GALNT13: variants seen among roughly 807,000 people sequenced by gnomAD.
GALNT13 encodes polypeptide N-acetylgalactosaminyltransferase 13.
Under a neutral mutation model 64.2 loss-of-function variants are expected in GALNT13, and 28 were observed. The ratio of observed to expected loss-of-function variants is 0.44; its 90% confidence interval spans 0.32 to 0.60. The LOEUF (loss-of-function observed/expected upper bound fraction) is 0.60, where lower values mean the gene tolerates loss of function less well. Among genes scored for constraint, GALNT13 ranks in the 20% least tolerant of loss-of-function variants. The pLI is 0.05. For missense variants in GALNT13, 577 were observed against 669.8 expected (o/e 0.86, Z 1.53); for synonymous variants, 214 against 224.6 (o/e 0.95, Z 0.42).
Position 153,885,060 on chromosome 2 carries a change from TAAATAAAATA to T in GALNT13, c.-177+12771_-177+12780del, listed in dbSNP as rs554701224. The stretch of plus-strand genomic sequence containing the variant: ...TCTCAAAAGATAAAATAAAGTAAAA[TAAATAAAATA>T]AAATAAAATAAAAATAAATCAACTG... On this transcript the variant is annotated intron_variant, in intron 1 of 12. Transcript: ENST00000392825. Among the ~76,000 whole-genome samples the T allele has an allele frequency of 2.0e-3, 296 of 150,534 alleles. 1 individual carries two copies. Among genetic ancestry groups the T allele is most frequent in the African/African-American group, 4.1e-3 (167 of 41,138 alleles).
rs763036761 is a variant in GALNT13, at chr2:154,242,845, C to G, written c.626C>G (p.Ala209Gly). The G allele has an allele frequency of 5.6e-6, 9 of 1,614,168 alleles. No homozygotes were observed. The highest frequency in any genetic ancestry group is 7.6e-6 in the Non-Finnish European group (9 of 1,180,018). Reference protein sequence around the residue: ...SKGQVITFLDAHCECTLGWLE... With the variant: ...SKGQVITFLDGHCECTLGWLE... ...GGGCAGGTCATAACTTTTCTTGATG[C>G]ACACTGTGAATGCACGTTAGGATGG... The change falls in exon 6 of 13, where the codon GCA (alanine) becomes GGA (glycine). Residue 209 changes from alanine to glycine, a missense_variant. Physicochemically the swap from Ala to Gly is moderately conservative, Grantham distance 60 (BLOSUM62 0). Transcript: ENST00000392825.
chr2:153,644,046 G>T, the GALNT13 span, among the ~76,000 whole-genome samples: 1 of 151,832 alleles, frequency 6.6e-6, no homozygotes, highest in Non-Finnish European at 1.5e-5. Context: ...CACTGCTCAG[G>T]AGATCTTATC....
At chr2:153,275,871 T>C in the GALNT13 span, among the ~76,000 whole-genome samples, 1 of 152,170 alleles carries the variant, frequency 6.6e-6, no homozygotes, top group African/African-American at 2.4e-5. Flanking sequence ...CCAGTTGAAA[T>C]TGATACAATG....
At chr2:153,196,389 C>G in the GALNT13 span, among the ~76,000 whole-genome samples, 2 of 152,012 alleles carry the variant, frequency 1.3e-5, no homozygotes, top group Admixed American at 1.3e-4. Flanking sequence ...TTAGCACTGC[C>G]CTGAATGTGC....
the GALNT13 span, among the ~76,000 whole-genome samples, chr2:153,406,004 T>TC: frequency 2.0e-5 from 3 of 152,188 alleles, no homozygotes; most frequent in African/African-American, 7.2e-5. Context: ...AAGTAGTACT[T>TC]CCCTCCCTGA....
At chr2:153,465,029 G>A in the GALNT13 span, among the ~76,000 whole-genome samples, 1 of 151,986 alleles carries the variant, frequency 6.6e-6, no homozygotes, top group Non-Finnish European at 1.5e-5. Flanking sequence ...ATTAATAAGT[G>A]GTCTCCTCCA....
At chr2:153,236,267 G>A in the GALNT13 span, among the ~76,000 whole-genome samples, 1 of 152,104 alleles carries the variant, frequency 6.6e-6, no homozygotes, top group Non-Finnish European at 1.5e-5. Flanking sequence ...TGCTGACATA[G>A]AAGCTGGAGC....
At chr2:153,177,318 C>T in the GALNT13 span, among the ~76,000 whole-genome samples, 64 of 152,020 alleles carry the variant, frequency 4.2e-4, 1 homozygote, top group South Asian at 0.013. Context: ...AAATGTATAT[C>T]TAAAAATCTA....
At chr2:153,222,493 A>G in the GALNT13 span, among the ~76,000 whole-genome samples, 1 of 152,112 alleles carries the variant, frequency 6.6e-6, no homozygotes, top group East Asian at 1.9e-4. Context: ...GCTTCAGGCC[A>G]TCCCTGGCTT....
the GALNT13 span, among the ~76,000 whole-genome samples, chr2:153,783,267 G>A: frequency 1.3e-5 from 2 of 152,128 alleles, no homozygotes; most frequent in Non-Finnish European, 1.5e-5. Flanking sequence ...GTATTATAGT[G>A]GGAGAGAGGA....
the GALNT13 span, among the ~76,000 whole-genome samples, chr2:153,432,982 G>A: frequency 1.3e-5 from 2 of 151,298 alleles, no homozygotes; most frequent in Non-Finnish European, 2.9e-5. Flanking sequence ...CACATAACAC[G>A]CACTCATGCA....
the GALNT13 span, among the ~76,000 whole-genome samples, chr2:153,603,132 C>A: frequency 2.6e-5 from 4 of 151,866 alleles, no homozygotes; most frequent in Admixed American, 2.6e-4. Flanking sequence ...CTCTTGCTGT[C>A]AGGTATCATC....
chr2:153,970,407 A>T (rs1693660772), intron 3 of GALNT13, among the ~76,000 whole-genome samples: 1 of 152,146 alleles, frequency 6.6e-6, no homozygotes, highest in African/African-American at 2.4e-5. Context: ...CGACTTCTTC[A>T]CAATATCCTT....
the GALNT13 span, among the ~76,000 whole-genome samples, chr2:153,729,098 C>G: frequency 6.6e-6 from 1 of 152,042 alleles, no homozygotes; most frequent in Non-Finnish European, 1.5e-5. Flanking sequence ...AAACTGTTCT[C>G]CGCAATAGAA....
chr2:154,161,176 G>C (rs1342400883), intron 4 of GALNT13, among the ~76,000 whole-genome samples: 1 of 152,162 alleles, frequency 6.6e-6, no homozygotes. Flanking sequence ...GGAGGAAATG[G>C]TCAGGATACT....
chr2:153,621,360 T>C, the GALNT13 span, among the ~76,000 whole-genome samples: 4 of 152,172 alleles, frequency 2.6e-5, no homozygotes, highest in East Asian at 7.8e-4. Context: ...AAAAAGATTA[T>C]ACAAGCACCA....
At chr2:153,325,688 T>C in the GALNT13 span, among the ~76,000 whole-genome samples, 2 of 152,224 alleles carry the variant, frequency 1.3e-5, no homozygotes, top group Non-Finnish European at 2.9e-5. Context: ...GAGATTCTGG[T>C]ATGTTGTGTC....
At chr2:153,103,729 ATG>A in the GALNT13 span, among the ~76,000 whole-genome samples, 1 of 152,200 alleles carries the variant, frequency 6.6e-6, no homozygotes, top group Admixed American at 6.6e-5. Flanking sequence ...CTACACTAAA[ATG>A]TAAGCTCCTT....
At chr2:153,345,685 T>C in the GALNT13 span, among the ~76,000 whole-genome samples, 11 of 141,758 alleles carry the variant, frequency 7.8e-5, no homozygotes, top group African/African-American at 2.9e-4. Flanking sequence ...CTTTCTTTCT[T>C]TCTTTCTTTC....
Sources: allele counts gnomAD v4.1 joint callset (sites outside exome capture counted in the v4.1 genomes callset), GRCh38; gene constraint gnomAD v4.1.1; transcripts MANE v1.5; gene names NCBI Gene and HGNC (gene_info 2026-07-23, HGNC 2026-07-21).